MCU: variants seen among roughly 807,000 people sequenced by gnomAD.
MCU encodes the protein mitochondrial calcium uniporter, also known as calcium uniporter protein, mitochondrial.
In MCU, 12 loss-of-function variants were observed where a neutral mutation model predicts 45.2. The observed-to-expected ratio is 0.27, with a 90% confidence interval of 0.17 to 0.43. The LOEUF (loss-of-function observed/expected upper bound fraction) is 0.43, where lower values mean the gene tolerates loss of function less well. MCU is among the 20% of genes least tolerant of loss of function. MCU has a pLI of 1.00. For synonymous variants in MCU, 160 were observed against 165.1 expected (o/e 0.97, Z 0.24); for missense variants, 324 against 436.7 (o/e 0.74, Z 2.30).
intron 1 of MCU, chr10:72,693,023 T>C: frequency 6.5e-7 from 1 of 1,536,156 alleles, no homozygotes. Flanking sequence ...CACGCGTGCC[T>C]GAAGCGGGAA....
At chr10:72,736,801 T>C (rs1843257273) in intron 1 of MCU, among the ~76,000 whole-genome samples, 2 of 152,248 alleles carry the variant, frequency 1.3e-5, no homozygotes, top group Admixed American at 1.3e-4. Flanking sequence ...TTTGATGATT[T>C]TTTAGGCCAG....
chr10:72,852,863 G>A (rs1306621562), intron 2 of MCU, among the ~76,000 whole-genome samples: 2 of 152,232 alleles, frequency 1.3e-5, no homozygotes, highest in African/African-American at 4.8e-5. Context: ...ACTATTGCCA[G>A]TAATATAAAA....
At position 72,758,985 on chromosome 10, in the gene MCU, G is replaced by T. The variant is rs528652181; in HGVS notation, c.150+66684G>T. ...AGATAAAAAGGCTCTAGTTCTGTTT[G>T]TAGCTCTGTACCTGTTTAGTTGTAT... On this transcript the variant is annotated intron_variant, in intron 1 of 7. Transcript: ENST00000373053. Among the ~76,000 whole-genome samples the T allele has an allele frequency of 3.6e-4, 55 of 152,262 alleles. No homozygotes were observed. The South Asian group carries it at 0.011, about 30-fold the overall frequency.
At chr10:72,832,631 C>T (rs925319310) in intron 1 of MCU, among the ~76,000 whole-genome samples, 1 of 152,126 alleles carries the variant, frequency 6.6e-6, no homozygotes, top group Non-Finnish European at 1.5e-5. Flanking sequence ...CCTTTTTTAA[C>T]CCATGAAGTT....
chr10:72,820,591 A>G (rs1404479178), intron 1 of MCU, among the ~76,000 whole-genome samples: 2 of 149,540 alleles, frequency 1.3e-5, no homozygotes, highest in African/African-American at 4.9e-5. Context: ...GCTCACTGCA[A>G]CCTCCACCTC....
In MCU at chr10:72,885,868, C is replaced by CT. The variant is rs1267817244; in HGVS notation, c.*51dup. The CT allele has an allele frequency of 6.6e-7, 1 of 1,515,308 alleles. No individual in the cohort carries two copies. Among genetic ancestry groups the CT allele is most frequent in the Non-Finnish European group, 9.2e-7 (1 of 1,091,798 alleles). The allele number at this position is 1,515,308 out of a possible 1,614,324, so 93.9% of individuals were successfully genotyped here. On this transcript the variant is annotated 3_prime_UTR_variant, in exon 8 of 8. Coordinates refer to ENST00000373053, the MANE Select transcript of MCU (RefSeq NM_138357.3). ...CCTGGCAGAAGGAACACCTGTTTGC[C>CT]TTTTTAATTAAAGCATTGCAGGTGG...
chr10:72,885,176 C>T (rs1239623246), intron 7 of MCU, among the ~76,000 whole-genome samples: 2 of 152,128 alleles, frequency 1.3e-5, no homozygotes, highest in African/African-American at 4.8e-5. Context: ...GGAGGGAATA[C>T]ATCAGAATCA....
chr10:72,865,212 G>A (rs1316503228), intron 4 of MCU, among the ~76,000 whole-genome samples: 1 of 152,176 alleles, frequency 6.6e-6, no homozygotes, highest in African/African-American at 2.4e-5. Context: ...ATTCCCTGGT[G>A]ATTTGGCAGC....
At chr10:72,758,493 AT>A (rs1396110789) in intron 1 of MCU, among the ~76,000 whole-genome samples, 3 of 152,222 alleles carry the variant, frequency 2.0e-5, no homozygotes, top group African/African-American at 7.2e-5. Flanking sequence ...TTGATGGTGT[AT>A]GTATGAAACC....
intron 1 of MCU, among the ~76,000 whole-genome samples, chr10:72,824,340 G>A (rs553138698): frequency 2.5e-4 from 37 of 150,664 alleles, no homozygotes; most frequent in African/African-American, 8.5e-4. Context: ...GGGATTACAG[G>A]TGTCTGCCAC....
chr10:72,801,260 T>A (rs540669939), intron 1 of MCU, among the ~76,000 whole-genome samples: 1 of 152,170 alleles, frequency 6.6e-6, no homozygotes, highest in East Asian at 1.9e-4. Flanking sequence ...CCTATTAAGG[T>A]AAGTATTTGG....
intron 1 of MCU, among the ~76,000 whole-genome samples, chr10:72,697,515 C>T (rs1842705439): frequency 6.8e-6 from 1 of 147,704 alleles, no homozygotes; most frequent in Non-Finnish European, 1.5e-5. Flanking sequence ...TTCACTGCAA[C>T]CTCCGTCTCC....
intron 1 of MCU, among the ~76,000 whole-genome samples, chr10:72,737,568 G>A (rs1358754997): frequency 6.7e-6 from 1 of 150,260 alleles, no homozygotes; most frequent in Non-Finnish European, 1.5e-5. Context: ...TGCCTGGGTT[G>A]GATTGACATG....
intron 1 of MCU, chr10:72,715,083 T>G: frequency 1.3e-6 from 1 of 774,280 alleles, no homozygotes; most frequent in African/African-American, 1.9e-5. Flanking sequence ...ACCTTTGACA[T>G]TTACTTTACT....
At chr10:72,845,869 A>T (rs978726015) in intron 2 of MCU, among the ~76,000 whole-genome samples, 1 of 152,114 alleles carries the variant, frequency 6.6e-6, no homozygotes, top group Non-Finnish European at 1.5e-5. Flanking sequence ...TCCAACTTTG[A>T]TAAACCTCAA....
chr10:72,811,234 TC>T (rs1445035073), intron 1 of MCU, among the ~76,000 whole-genome samples: 5 of 152,226 alleles, frequency 3.3e-5, no homozygotes, highest in African/African-American at 1.2e-4. Flanking sequence ...CCTTTTCAGT[TC>T]GGTTGTGGTG....
At chr10:72,771,348 A>G (rs774721986) in intron 1 of MCU, among the ~76,000 whole-genome samples, 5 of 152,142 alleles carry the variant, frequency 3.3e-5, no homozygotes, top group Non-Finnish European at 5.9e-5. Context: ...AGCTCTATCC[A>G]TGTCCCTGTA....
At chr10:72,729,330 C>A (rs1320148574) in intron 1 of MCU, among the ~76,000 whole-genome samples, 1 of 151,982 alleles carries the variant, frequency 6.6e-6, no homozygotes, top group Non-Finnish European at 1.5e-5. Flanking sequence ...TTTAGCCGGG[C>A]ATGGTGGCAT....
intron 1 of MCU, among the ~76,000 whole-genome samples, chr10:72,791,898 T>C (rs1844166875): frequency 6.6e-6 from 1 of 152,046 alleles, no homozygotes; most frequent in Non-Finnish European, 1.5e-5. Context: ...GATTGCTACC[T>C]CAGTTCCTTT....
Sources: allele counts gnomAD v4.1 joint callset (sites outside exome capture counted in the v4.1 genomes callset), GRCh38; gene constraint gnomAD v4.1.1; transcripts MANE v1.5; gene names NCBI Gene and HGNC (gene_info 2026-07-23, HGNC 2026-07-21).